Variants in TSC22D3 observed in about 807,000 individuals in gnomAD.
The protein encoded by TSC22D3 is TSC22 domain family protein 3.
In TSC22D3, 4 loss-of-function variants were observed where a neutral mutation model predicts 11.1. The ratio of observed to expected loss-of-function variants is 0.36; its 90% CI spans 0.18 to 0.83. TSC22D3 has a LOEUF of 0.83. Among genes scored for constraint, TSC22D3 ranks in the 40% least tolerant of loss-of-function variants. The probability of loss-of-function intolerance (pLI) is 0.48; values close to 1 mark genes in which losing one functional copy is unlikely to be tolerated. For synonymous variants in TSC22D3, 77 were observed against 70.3 expected (o/e 1.10, Z -0.48); for missense variants, 118 against 159.4 (o/e 0.74, Z 1.40).
intron 1 of TSC22D3, among the ~76,000 whole-genome samples, chrX:107,764,713 C>T (rs980028308): frequency 8.9e-6 from 1 of 111,822 alleles, no homozygotes; most frequent in Non-Finnish European, 1.9e-5. Context: ...CACACCCCTG[C>T]TTCTGTTACC....
chrX:107,714,901 C>T (rs1019544120), intron 2 of TSC22D3, 152 bp from the exon 3 acceptor site: 6 of 510,069 alleles, frequency 1.2e-5, no homozygotes, highest in South Asian at 6.3e-5. Context: ...TCCAATTCCT[C>T]GTTCACCTTT....
intron 1 of TSC22D3, among the ~76,000 whole-genome samples, chrX:107,757,677 C>T (rs1054018170): frequency 4.6e-5 from 5 of 109,874 alleles, no homozygotes; most frequent in African/African-American, 1.7e-4. Context: ...TCACCCTTGC[C>T]TCTGCTCTCT....
At chrX:107,716,528 AC>A (rs367686260) in intron 1 of TSC22D3, 90 of 957,155 alleles carry the variant, frequency 9.4e-5, no homozygotes, top group Admixed American at 2.1e-4. Flanking sequence ...AGCGGCGGTG[AC>A]CCCCCCCTTC....
intron 1 of TSC22D3, among the ~76,000 whole-genome samples, chrX:107,763,375 A>G (rs1929525976): frequency 9.0e-6 from 1 of 111,254 alleles, no homozygotes; most frequent in East Asian, 2.8e-4. Context: ...GCTGTTAGCT[A>G]TCACCTGCCT....
At chrX:107,741,529 G>A (rs758285998) in intron 1 of TSC22D3, among the ~76,000 whole-genome samples, 42 of 112,970 alleles carry the variant, frequency 3.7e-4, no homozygotes, top group African/African-American at 1.2e-3. Context: ...CCCTGTTGCC[G>A]CCAACACACA....
At chrX:107,734,724 A>C (rs145513952) in intron 1 of TSC22D3, among the ~76,000 whole-genome samples, 1,373 of 110,370 alleles carry the variant, frequency 0.012, 26 homozygotes, top group African/African-American at 0.043. Flanking sequence ...GCAGGTTGGC[A>C]AGAAAGATCA....
chrX:107,733,340 T>A (rs1927975725), intron 1 of TSC22D3, among the ~76,000 whole-genome samples: 1 of 111,967 alleles, frequency 8.9e-6, no homozygotes, highest in African/African-American at 3.3e-5. Flanking sequence ...ATATTAGGGA[T>A]TATTATCCCT....
intron 1 of TSC22D3, among the ~76,000 whole-genome samples, chrX:107,719,288 C>T (rs1223262120): frequency 8.9e-6 from 1 of 112,280 alleles, no homozygotes; most frequent in East Asian, 2.8e-4. Context: ...TTAAGGTTCC[C>T]AGCAAAGCTG....
chrX:107,716,048 C>T (rs1926999632), intron 1 of TSC22D3, 98 bp from the exon 2 acceptor site: 2 of 941,533 alleles, frequency 2.1e-6, no homozygotes, highest in African/African-American at 3.8e-5. Context: ...CTCGGCTCTT[C>T]CTCTCTCTCT....
At chrX:107,727,457 T>A (rs1025246562) in intron 1 of TSC22D3, among the ~76,000 whole-genome samples, 2 of 112,275 alleles carry the variant, frequency 1.8e-5, no homozygotes, top group African/African-American at 6.5e-5. Flanking sequence ...GTATGTTTTA[T>A]GGATACCCTA....
At chrX:107,765,260 C>CA (rs1929608220) in intron 1 of TSC22D3, among the ~76,000 whole-genome samples, 2 of 112,044 alleles carry the variant, frequency 1.8e-5, no homozygotes, top group South Asian at 7.4e-4. Context: ...TGGCACCATC[C>CA]AAGCTCCAGA....
chrX:107,768,924 G>T (rs1310484385), intron 1 of TSC22D3, among the ~76,000 whole-genome samples: 1 of 112,606 alleles, frequency 8.9e-6, no homozygotes, highest in African/African-American at 3.2e-5. Flanking sequence ...CCCATAAAAA[G>T]TCCATTCCCA....
chrX:107,728,329 A>G (rs1927739210), intron 1 of TSC22D3, among the ~76,000 whole-genome samples: 1 of 112,671 alleles, frequency 8.9e-6, no homozygotes, highest in South Asian at 3.6e-4. Context: ...TGAAAATCAA[A>G]CATACTTGGG....
At chrX:107,716,716 A>C in intron 1 of TSC22D3, 5 of 1,208,338 alleles carry the variant, frequency 4.1e-6, no homozygotes, top group Non-Finnish European at 5.6e-6. Context: ...CGGAAACCAC[A>C]TCCCCTCCAA....
Position 107,775,088 on chromosome X carries a change from C to T in TSC22D3, c.320+12G>A. ...CAAGGACCGAGTTGCCGCCGTGTGCCGAGCCACCCACCTGTGGAAGAAGAG... is the reference window on the plus strand; with the variant it reads ...CAAGGACCGAGTTGCCGCCGTGTGCTGAGCCACCCACCTGTGGAAGAAGAG... On this transcript the variant is annotated intron_variant, in intron 1 of 2. Coordinates refer to ENST00000372383, the MANE Select transcript of TSC22D3 (RefSeq NM_198057.3). The T allele has an allele frequency of 5.0e-6, 6 of 1,207,341 alleles. No homozygotes were observed. The highest frequency in any genetic ancestry group is 6.7e-6 in the Non-Finnish European group (6 of 892,999).
chrX:107,750,048 G>T (rs899019172), intron 1 of TSC22D3, among the ~76,000 whole-genome samples: 2 of 111,613 alleles, frequency 1.8e-5, no homozygotes, highest in Non-Finnish European at 3.8e-5. Context: ...CTATTTGGGA[G>T]GCTGAGGCAG....
intron 1 of TSC22D3, among the ~76,000 whole-genome samples, chrX:107,738,511 C>T (rs1296755407): frequency 8.9e-6 from 1 of 112,860 alleles, no homozygotes; most frequent in South Asian, 3.6e-4. Context: ...CCCGCTGCCG[C>T]TCCCTCTCCT....
intron 1 of TSC22D3, among the ~76,000 whole-genome samples, chrX:107,732,381 T>A (rs1927929900): frequency 9.1e-6 from 1 of 109,463 alleles, no homozygotes; most frequent in Non-Finnish European, 1.9e-5. Flanking sequence ...CTGACAGAAC[T>A]CCTCCCCTCC....
intron 1 of TSC22D3, among the ~76,000 whole-genome samples, chrX:107,758,426 T>C (rs938063762): frequency 5.4e-5 from 6 of 111,736 alleles, no homozygotes; most frequent in Admixed American, 1.9e-4. Flanking sequence ...GGAATTTTAA[T>C]GCAGTGAAAT....
Sources: allele counts gnomAD v4.1 joint callset (sites outside exome capture counted in the v4.1 genomes callset), GRCh38; gene constraint gnomAD v4.1.1; transcripts MANE v1.5; gene names NCBI Gene and HGNC (gene_info 2026-07-23, HGNC 2026-07-21).